Variants in ZNF365 observed in about 807,000 individuals in gnomAD.
ZNF365 encodes zinc finger protein 365.
In ZNF365, 22 loss-of-function variants were observed where a neutral mutation model predicts 35.0. The observed-to-expected ratio is 0.63, with a 90% CI of 0.45 to 0.90. The LOEUF is 0.90. Ranked by LOEUF, ZNF365 falls within the 40% of genes least tolerant of loss-of-function variation. The probability of loss-of-function intolerance (pLI) is 0.00; values close to 1 mark genes in which losing one functional copy is unlikely to be tolerated. For missense variants in ZNF365, 448 were observed against 500.3 expected, an observed-to-expected ratio of 0.90 and a Z score of 1.00; for synonymous variants, 188 against 196.2, an observed-to-expected ratio of 0.96 and a Z score of 0.35.
intron 3 of ZNF365, among the ~76,000 whole-genome samples, chr10:62,410,793 T>C (rs1464070283): frequency 6.6e-6 from 1 of 152,028 alleles, no homozygotes; most frequent in East Asian, 1.9e-4. Flanking sequence ...TAATTCCATG[T>C]CTTTGGTATT....
chr10:62,414,712 G>A (rs183373955), intron 3 of ZNF365, among the ~76,000 whole-genome samples: 73 of 152,248 alleles, frequency 4.8e-4, no homozygotes, highest in Middle Eastern at 3.4e-3. Context: ...ATGTGTTTAA[G>A]TGTGATTTTA....
intron 3 of ZNF365, among the ~76,000 whole-genome samples, chr10:62,420,711 C>T (rs766087384): frequency 2.0e-5 from 3 of 151,968 alleles, no homozygotes; most frequent in Admixed American, 6.6e-5. Context: ...GATTTTCTGT[C>T]GTCTGGACAT....
intron 3 of ZNF365, among the ~76,000 whole-genome samples, chr10:62,394,789 A>G (rs1203197262): frequency 6.6e-6 from 1 of 152,196 alleles, no homozygotes; most frequent in Non-Finnish European, 1.5e-5. Context: ...CTTAGAAACA[A>G]GCAACTTACA....
chr10:62,418,704 T>C (rs1231797563), intron 3 of ZNF365, among the ~76,000 whole-genome samples: 1 of 152,230 alleles, frequency 6.6e-6, no homozygotes, highest in East Asian at 1.9e-4. Flanking sequence ...TGTTTAAGCA[T>C]ATTCATCTTG....
rs921096145 is a variant in ZNF365 at position 62,402,227 on chromosome 10, T to C, written c.*2438T>C. 11 of 985,846 alleles carry C rather than the reference T, an allele frequency of 1.1e-5. No individual in the cohort carries two copies. The African/African-American group carries it at 1.9e-4, about 17-fold the overall frequency. 61.1% of individuals were successfully genotyped at this position (985,846 alleles called of 1,614,324 possible). On this transcript the variant is annotated 3_prime_UTR_variant, in exon 5 of 5. Coordinates refer to ENST00000395254, the MANE Select transcript of ZNF365 (RefSeq NM_014951.3). Reference sequence around the variant, plus strand: ...TGGAGAGTAGATTTAATTTTATTTGTCTTGTAGGGAAGAAATCTTCCTTTG... The same window carrying C: ...TGGAGAGTAGATTTAATTTTATTTGCCTTGTAGGGAAGAAATCTTCCTTTG...
Position 62,385,834 on chromosome 10 carries a change from A to C in ZNF365, c.744-2562A>C, listed in dbSNP as rs117139383. On this transcript the variant is annotated intron_variant, in intron 2 of 4. Transcript: ENST00000395254. ...AAGGTCAATTTTTATATTTTCCTTAATATATGTGAACCATTTCCATAATAA... is the reference window on the plus strand; with the variant it reads ...AAGGTCAATTTTTATATTTTCCTTACTATATGTGAACCATTTCCATAATAA... 2.8e-4 allele frequency among the ~76,000 whole-genome samples: 42 copies of C among 152,322 alleles called. No individual in the cohort carries two copies. The East Asian group carries it at 7.1e-3, about 26-fold the overall frequency.
intron 3 of ZNF365, among the ~76,000 whole-genome samples, chr10:62,434,146 G>T (rs10128153): frequency 0.57 from 86,732 of 152,016 alleles, 25,604 homozygotes; most frequent in East Asian, 0.76. Context: ...TGAGGCCTGA[G>T]AATTGATATT....
intron 3 of ZNF365, among the ~76,000 whole-genome samples, chr10:62,409,482 C>T: frequency 6.6e-6 from 1 of 152,108 alleles, no homozygotes; most frequent in South Asian, 2.1e-4. Flanking sequence ...ACCACAGCTG[C>T]TTCAAGTACT....
chr10:62,445,313 A>G lies in ZNF365; in HGVS notation c.925-14428A>G, dbSNP rs113180924. Among the ~76,000 whole-genome samples the G allele has an allele frequency of 7.6e-4, 115 of 151,288 alleles. 1 individual carries two copies. The highest frequency in any genetic ancestry group is 2.6e-3 in the African/African-American group (106 of 41,090). On this transcript the variant is annotated intron_variant, in intron 3 of 4. Coordinates refer to the ZNF365 transcript ENST00000395255. ...CCCAGTAATGGGATGGCTGGGTCAA[A>G]TGGTATTTCTAGTTCTAGATCCCTG...
At chr10:62,464,851 C>T (rs185572584) in intron 4 of ZNF365, among the ~76,000 whole-genome samples, 13 of 152,316 alleles carry the variant, frequency 8.5e-5, no homozygotes, top group African/African-American at 2.4e-4. Flanking sequence ...GTGATGGTGG[C>T]GGTGGCCCAT....
intron 3 of ZNF365, among the ~76,000 whole-genome samples, chr10:62,452,382 AC>A (rs1216260350): frequency 6.6e-6 from 1 of 152,006 alleles, no homozygotes; most frequent in Non-Finnish European, 1.5e-5. Context: ...AAAATTAACC[AC>A]CCCCAGAATA....
chr10:62,377,151 T>G (rs1053745124), intron 2 of ZNF365, among the ~76,000 whole-genome samples: 1 of 152,238 alleles, frequency 6.6e-6, no homozygotes, highest in Non-Finnish European at 1.5e-5. Context: ...GTCAAATATC[T>G]AATTCCTTCT....
rs1224093382 is a variant in ZNF365 at position 62,376,747 on chromosome 10, A to G, written c.554A>G (p.Lys185Arg). The G allele has an allele frequency of 6.2e-7, 1 of 1,614,092 alleles. No homozygotes were observed. Among genetic ancestry groups the G allele is most frequent in the Admixed American group, 1.7e-5 (1 of 60,014 alleles). The change falls in exon 2 of 5, where the codon AAA (lysine) becomes AGA (arginine). Residue 185 changes from lysine (K) to arginine (R), a missense_variant. This residue lies in a region of ZNF365 where 362 missense variants were observed against 375.7 expected (regional missense o/e 0.96). Coordinates refer to ENST00000395254, the MANE Select transcript of ZNF365 (RefSeq NM_014951.3). ...TIEKRIDKLT[K>R]ELAQKTAELL... is the part of the protein sequence containing the mutation. ...GAGAAGAGAATTGATAAACTCACCA[A>G]AGAGTTGGCCCAGAAAACTGCGGAA...
intron 2 of ZNF365, among the ~76,000 whole-genome samples, chr10:62,382,762 C>T (rs1051290981): frequency 2.2e-4 from 33 of 152,136 alleles, no homozygotes; most frequent in African/African-American, 7.5e-4. Context: ...TCCCTGTGCT[C>T]GGAGGTGGTC....
intron 3 of ZNF365, among the ~76,000 whole-genome samples, chr10:62,454,944 G>A (rs1840738851): frequency 6.6e-6 from 1 of 152,190 alleles, no homozygotes; most frequent in Non-Finnish European, 1.5e-5. Flanking sequence ...GGCACATCTT[G>A]TGGGATAAAT....
At chr10:62,441,188 G>A (rs1326518357) in intron 3 of ZNF365, among the ~76,000 whole-genome samples, 1 of 152,012 alleles carries the variant, frequency 6.6e-6, no homozygotes, top group Non-Finnish European at 1.5e-5. Context: ...AAATTGCTTG[G>A]CTAAGGTCAT....
chr10:62,456,858 A>G (rs1045538606), intron 3 of ZNF365, among the ~76,000 whole-genome samples: 4 of 152,178 alleles, frequency 2.6e-5, no homozygotes, highest in Admixed American at 6.5e-5. Flanking sequence ...ACACACACAC[A>G]CAAACTCAGT....
At position 62,388,494 on chromosome 10, in the gene ZNF365, G is replaced by C; in HGVS notation, c.842G>C (p.Arg281Pro). Residue 281 changes from arginine (R) to proline (P), a missense_variant, in exon 3 of 5, where the codon CGG (arginine) becomes CCG (proline). Physicochemically the swap from Arg to Pro is moderately radical, Grantham distance 103. Around this residue, in one of 3 missense-constraint regions of ZNF365, gnomAD observed 362 missense variants for 375.7 expected, o/e 0.96. Transcript: ENST00000395254. ...LQDFIENLLQ[R>P]VELAEKQLEY... ...GACTTTATTGAGAATCTGTTACAGC[G>C]GGTAGAACTGGCGGAGAAGCAGCTT... 3 of 1,614,186 alleles carry C rather than the reference G, an allele frequency of 1.9e-6. No homozygotes were observed. The highest frequency in any genetic ancestry group is 4.5e-5 in the East Asian group (2 of 44,884).
At chr10:62,470,801 C>T (rs1405179353) in intron 4 of ZNF365, among the ~76,000 whole-genome samples, 1 of 151,744 alleles carries the variant, frequency 6.6e-6, no homozygotes, top group African/African-American at 2.4e-5. Flanking sequence ...TGTTGCCTTT[C>T]GTTTATTTTG....
Sources: allele counts gnomAD v4.1 joint callset (sites outside exome capture counted in the v4.1 genomes callset), GRCh38; gene constraint gnomAD v4.1.1; regional missense constraint gnomAD v4.1.1; transcripts MANE v1.5; gene names NCBI Gene and HGNC (gene_info 2026-07-23, HGNC 2026-07-21).